JAM3: variants seen among roughly 807,000 people sequenced by gnomAD.
JAM3 encodes the protein junctional adhesion molecule C.
JAM3 carries 31 observed loss-of-function variants against 39.4 expected under a neutral mutation model. The ratio of observed to expected loss-of-function variants is 0.79; its 90% CI spans 0.59 to 1.06. The LOEUF is 1.06. JAM3 is among the 50% of genes least tolerant of loss of function. The pLI, the probability that JAM3 is intolerant of heterozygous loss-of-function variation, is 0.00. For synonymous variants in JAM3, 182 were observed against 148.7 expected, an observed-to-expected ratio of 1.22 and a Z score of -1.63; for missense variants, 455 against 391.4, an observed-to-expected ratio of 1.16 and a Z score of -1.37.
At chr11:134,141,106 A>G (rs1268885978) in intron 3 of JAM3, among the ~76,000 whole-genome samples, 2 of 152,012 alleles carry the variant, frequency 1.3e-5, no homozygotes, top group Admixed American at 6.5e-5. Context: ...GATGTAGGTG[A>G]GTGAATGAGA....
intron 2 of JAM3, 102 bp downstream of exon 2, chr11:134,140,018 G>C (rs1033990177): frequency 3.1e-6 from 3 of 957,568 alleles, no homozygotes; most frequent in Admixed American, 3.6e-5. Context: ...GTGTGCCAGG[G>C]AGATGTTCCG....
chr11:134,110,403 A>G (rs1419001713), intron 1 of JAM3, among the ~76,000 whole-genome samples: 1 of 152,252 alleles, frequency 6.6e-6, no homozygotes, highest in East Asian at 1.9e-4. Flanking sequence ...CCAAATGCCC[A>G]TCAATAGTAA....
chr11:134,104,535 C>CA (rs1005761499), intron 1 of JAM3, among the ~76,000 whole-genome samples: 1 of 151,870 alleles, frequency 6.6e-6, no homozygotes, highest in African/African-American at 2.4e-5. Flanking sequence ...AATAGAGATA[C>CA]AAAAAACCCT....
At chr11:134,130,633 G>A (rs1942752719) in intron 1 of JAM3, among the ~76,000 whole-genome samples, 1 of 151,780 alleles carries the variant, frequency 6.6e-6, no homozygotes, top group African/African-American at 2.4e-5. Context: ...TAACCAAAAA[G>A]AGCCATCTTT....
At chr11:134,091,880 T>C (rs1164360816) in intron 1 of JAM3, among the ~76,000 whole-genome samples, 5 of 150,694 alleles carry the variant, frequency 3.3e-5, no homozygotes, top group South Asian at 4.2e-4. Flanking sequence ...ATGGATAGTA[T>C]AAATTTGGGA....
At chr11:134,128,785 C>T (rs1942705040) in intron 1 of JAM3, among the ~76,000 whole-genome samples, 1 of 152,156 alleles carries the variant, frequency 6.6e-6, no homozygotes, top group African/African-American at 2.4e-5. Flanking sequence ...TAATAAATCA[C>T]CCAGTCTCTG....
chr11:134,124,906 G>A (rs974840151), intron 1 of JAM3, among the ~76,000 whole-genome samples: 3 of 152,340 alleles, frequency 2.0e-5, no homozygotes, highest in East Asian at 1.9e-4. Flanking sequence ...AAACGCTGGC[G>A]AGCGGGGACC....
chr11:134,133,235 C>T lies in JAM3; in HGVS notation c.77-6616C>T, dbSNP rs146104448. On this transcript the variant is annotated intron_variant, in intron 1 of 8. Transcript: ENST00000299106. ...TCTACATCTAAGATCATGCCAGCTA[C>T]AAACAGAGATAATTTTCCTACTTCC... Among the ~76,000 whole-genome samples, 165 of 152,300 alleles carry T rather than the reference C, an allele frequency of 1.1e-3. 2 individuals carry two copies. Among genetic ancestry groups the T allele is most frequent in the African/African-American group, 3.8e-3 (158 of 41,560 alleles).
intron 1 of JAM3, among the ~76,000 whole-genome samples, chr11:134,113,394 C>G (rs974567580): frequency 4.6e-5 from 7 of 152,116 alleles, no homozygotes; most frequent in African/African-American, 1.7e-4. Context: ...TTCCTGTGTC[C>G]AAGTGTTCTC....
At chr11:134,121,201 G>C (rs976706768) in intron 1 of JAM3, among the ~76,000 whole-genome samples, 2 of 152,216 alleles carry the variant, frequency 1.3e-5, no homozygotes, top group African/African-American at 4.8e-5. Flanking sequence ...TTTTAAACAA[G>C]CGAAGTGATT....
At chr11:134,106,604 G>A (rs1942193553) in intron 1 of JAM3, among the ~76,000 whole-genome samples, 1 of 152,144 alleles carries the variant, frequency 6.6e-6, no homozygotes, top group Admixed American at 6.6e-5. Flanking sequence ...CTGACAAAGG[G>A]CTAATATCTA....
chr11:134,105,445 A>C (rs1346341929), intron 1 of JAM3, among the ~76,000 whole-genome samples: 1 of 152,228 alleles, frequency 6.6e-6, no homozygotes, highest in Non-Finnish European at 1.5e-5. Context: ...AACTGGCACA[A>C]GATGGATGCC....
intron 1 of JAM3, among the ~76,000 whole-genome samples, chr11:134,118,207 C>A (rs557129260): frequency 4.1e-4 from 62 of 152,144 alleles, no homozygotes; most frequent in Non-Finnish European, 6.5e-4. Flanking sequence ...TGCCTCAGTA[C>A]CTCTAAGATG....
At chr11:134,069,457 G>A (rs1941451475) in intron 1 of JAM3, among the ~76,000 whole-genome samples, 1 of 149,090 alleles carries the variant, frequency 6.7e-6, no homozygotes, top group African/African-American at 2.4e-5. Context: ...TCGGACCCCG[G>A]GGGCGGGCTC....
chr11:134,129,540 A>G (rs1323581077), intron 1 of JAM3, among the ~76,000 whole-genome samples: 1 of 152,044 alleles, frequency 6.6e-6, no homozygotes, highest in Non-Finnish European at 1.5e-5. Flanking sequence ...TATTCTCTGG[A>G]CCTCTGGAAA....
chr11:134,139,100 T>G (rs952351876), intron 1 of JAM3, among the ~76,000 whole-genome samples: 4 of 152,226 alleles, frequency 2.6e-5, no homozygotes, highest in African/African-American at 9.7e-5. Context: ...ATGTACCTAC[T>G]TGATCTTCTC....
chr11:134,141,929 C>G (rs907334317), intron 3 of JAM3, among the ~76,000 whole-genome samples: 3 of 151,908 alleles, frequency 2.0e-5, no homozygotes, highest in Admixed American at 2.0e-4. Flanking sequence ...AGCTCCAACA[C>G]AGTCTTGCTT....
intron 1 of JAM3, among the ~76,000 whole-genome samples, chr11:134,085,696 C>T (rs2120611549): frequency 6.6e-6 from 1 of 152,316 alleles, no homozygotes; most frequent in South Asian, 2.1e-4. Flanking sequence ...TGCACTTCCT[C>T]TGTGTGTATC....
chr11:134,070,344 C>A, intron 1 of JAM3: 2 of 398,292 alleles, frequency 5.0e-6, no homozygotes, highest in Admixed American at 3.1e-5. Context: ...ACTGTCATCC[C>A]ATGATGTTTT....
Sources: allele counts gnomAD v4.1 joint callset (sites outside exome capture counted in the v4.1 genomes callset), GRCh38; gene constraint gnomAD v4.1.1; transcripts MANE v1.5; gene names NCBI Gene and HGNC (gene_info 2026-07-23, HGNC 2026-07-21).